KRT7: variants seen among roughly 807,000 people sequenced by gnomAD.
KRT7 encodes keratin 7, also known as keratin, type II cytoskeletal 7.
Under a neutral mutation model 42.8 loss-of-function variants are expected in KRT7, and 50 were observed. The ratio of observed to expected loss-of-function variants is 1.17; its 90% CI spans 0.93 to 1.48. The LOEUF is 1.48. KRT7 is among the 40% of genes most tolerant of loss of function. The pLI, the probability that KRT7 is intolerant of heterozygous loss-of-function variation, is 0.00. For missense variants in KRT7, 588 were observed against 637.6 expected (o/e 0.92, Z 0.84); for synonymous variants, 268 against 266.3 (o/e 1.01, Z -0.06).
rs767352721 is a variant in KRT7, at chr12:52,245,450, G to C, written c.1023G>C (p.Glu341Asp). The part of the protein sequence containing the change: ...KLEAAIAEAE[E>D]RGELALKDAR... The stretch of plus-strand genomic sequence containing the variant: ...AGGCCGCCATTGCCGAGGCTGAGGA[G>C]CGTGGGGAGCTGGCGCTCAAGGATG... The change falls in exon 7 of 9, where the codon GAG (glutamate) becomes GAC (aspartate). Residue 341 changes from glutamate to aspartate, a missense_variant. By Grantham distance (45) the Glu-to-Asp change is conservative. Coordinates refer to ENST00000331817, the MANE Select transcript of KRT7 (RefSeq NM_005556.4). 6.2e-6 allele frequency: 10 copies of C among 1,613,968 alleles called. No individual in the cohort carries two copies. In the African/African-American group the frequency reaches 1.1e-4, roughly 17 times the overall value.
Position 52,248,903 on chromosome 12 carries a change from C to A in KRT7, c.*143C>A. 2 of 742,794 alleles carry A rather than the reference C, an allele frequency of 2.7e-6. No individual in the cohort carries two copies. The highest frequency in any genetic ancestry group is 3.9e-6 in the Non-Finnish European group (2 of 509,852). The allele number at this position is 742,794 out of a possible 1,614,324, so 46.0% of individuals were successfully genotyped here. On this transcript the variant is annotated 3_prime_UTR_variant, in exon 9 of 9. Coordinates refer to ENST00000331817, the MANE Select transcript of KRT7 (RefSeq NM_005556.4). The stretch of plus-strand genomic sequence containing the variant: ...TAGCTTCCAATAAAGCAGCCTCATT[C>A]TGAGGCCTGAGTGATCCACGTGCCT...
intron 6 of KRT7, chr12:52,244,451 C>T (rs539740413): frequency 1.7e-5 from 17 of 985,754 alleles, no homozygotes; most frequent in Non-Finnish European, 2.0e-5. Flanking sequence ...CCAGAGGCAG[C>T]GGGGATGGCG....
At chr12:52,248,549 G>T (rs1002727813) in intron 8 of KRT7, 42 bp from the exon 9 acceptor site, 1 of 1,524,828 alleles carries the variant, frequency 6.6e-7, no homozygotes, top group African/African-American at 1.4e-5. Flanking sequence ...TCCCTGGTAG[G>T]GAGCCTCACG....
downstream of KRT7, among the ~76,000 whole-genome samples, chr12:52,250,980 T>TTTTTTA (rs1942258365): frequency 6.6e-6 from 1 of 152,222 alleles, no homozygotes. Flanking sequence ...ACCTTTTTTA[T>TTTTTTA]TTTTTATTTT....
intron 4 of KRT7, among the ~76,000 whole-genome samples, chr12:52,240,162 T>TAC (rs10604083): frequency 0.022 from 3,352 of 150,518 alleles, 38 homozygotes; most frequent in Non-Finnish European, 0.03. Context: ...CACACATGTG[T>TAC]ACACACACAC....
chr12:52,248,184 G>A lies in KRT7; in HGVS notation c.1213G>A (p.Gly405Arg). The stretch of plus-strand genomic sequence containing the variant: ...TCTGTCCTCTGCCCCCAGGTTGGCT[G>A]GAGATGGAGTGGGAGCCGTGAATAT... The part of the protein sequence containing the change: ...LLEGEESRLA[G>R]DGVGAVNISV... The change falls in exon 8 of 9, where the codon GGA becomes AGA. Residue 405 changes from glycine (G) to arginine (R), a missense_variant. Physicochemically the swap from Gly to Arg is moderately radical, Grantham distance 125. Coordinates refer to ENST00000331817, the MANE Select transcript of KRT7 (RefSeq NM_005556.4). 1 of 1,614,116 alleles carries A rather than the reference G, an allele frequency of 6.2e-7. No individual in the cohort carries two copies. Among genetic ancestry groups the A allele is most frequent in the Non-Finnish European group, 8.5e-7 (1 of 1,180,012 alleles).
intron 7 of KRT7, chr12:52,247,681 C>G (rs1425680100): frequency 1.3e-5 from 2 of 159,736 alleles, no homozygotes; most frequent in African/African-American, 4.8e-5. Flanking sequence ...TTCAATCAGT[C>G]AACGATTCAC....
rs752119954 is a variant in KRT7 at position 52,233,657 on chromosome 12, G to T, written c.324+37G>T. 4.4e-6 allele frequency: 7 copies of T among 1,601,478 alleles called. No individual in the cohort carries two copies. In the South Asian group the frequency reaches 4.4e-5, roughly 10 times the overall value. ...TGGACCTCGCCTCTCCTCGAGCCGCGCTCCAGACCACACCAGCCGCCCTAA... is the reference window on the plus strand; with the variant it reads ...TGGACCTCGCCTCTCCTCGAGCCGCTCTCCAGACCACACCAGCCGCCCTAA... On this transcript the variant is annotated intron_variant, in intron 1 of 8. Coordinates refer to ENST00000331817, the MANE Select transcript of KRT7 (RefSeq NM_005556.4).
downstream of KRT7, chr12:52,253,353 T>C: frequency 6.2e-7 from 1 of 1,611,708 alleles, no homozygotes; most frequent in Non-Finnish European, 8.5e-7. Context: ...GGAAGTAGAG[T>C]TGCTTATGAG....
intron 5 of KRT7, 39 bp from the exon 6 acceptor site, chr12:52,242,973 C>T: frequency 6.3e-7 from 1 of 1,584,030 alleles, no homozygotes; most frequent in Non-Finnish European, 8.6e-7. Context: ...GTACTCACTG[C>T]CCATCTCTCT....
intron 4 of KRT7, among the ~76,000 whole-genome samples, chr12:52,240,921 C>T (rs1433495587): frequency 1.3e-5 from 2 of 149,438 alleles, no homozygotes; most frequent in African/African-American, 5.0e-5. Context: ...TATCACTCCC[C>T]CCTCCCCCCA....
chr12:52,240,938 C>T (rs980492838), intron 4 of KRT7, among the ~76,000 whole-genome samples: 12 of 149,320 alleles, frequency 8.0e-5, no homozygotes, highest in Non-Finnish European at 1.2e-4. Context: ...CCCACGCCCC[C>T]GACAGGCCCC....
At chr12:52,248,489 G>T (rs1942211286) in intron 8 of KRT7, 102 bp from the exon 9 acceptor site, 2 of 1,254,830 alleles carry the variant, frequency 1.6e-6, no homozygotes. Context: ...GCAGGGGTGA[G>T]GGAGAGGGGC....
At chr12:52,237,485 A>G (rs556418460) in intron 2 of KRT7, 24 bp from the exon 3 acceptor site, 2 of 1,585,954 alleles carry the variant, frequency 1.3e-6, no homozygotes, top group Admixed American at 1.7e-5. Flanking sequence ...AGCTGCATCA[A>G]CACCAGGCCC....
chr12:52,247,794 A>G, intron 7 of KRT7: 1 of 249,430 alleles, frequency 4.0e-6, no homozygotes, highest in Non-Finnish European at 7.9e-6. Context: ...TGATACGGTG[A>G]GGAAAGGCAG....
At chr12:52,243,159 TC>T (rs747379080) in intron 6 of KRT7, 22 bp downstream of exon 6, 1 of 1,600,460 alleles carries the variant, frequency 6.2e-7, no homozygotes, top group South Asian at 1.1e-5. Context: ...CCTCCTGGCT[TC>T]CCCTGCTACT....
intron 6 of KRT7, 124 bp from the exon 7 acceptor site, chr12:52,245,288 C>G (rs924894831): frequency 8.1e-6 from 7 of 863,766 alleles, no homozygotes; most frequent in Admixed American, 4.8e-5. Context: ...TTCTCTGGTA[C>G]TTGGGGGAGT....
downstream of KRT7, among the ~76,000 whole-genome samples, chr12:52,255,597 T>G (rs1942323884): frequency 6.6e-6 from 1 of 152,134 alleles, no homozygotes; most frequent in Admixed American, 6.5e-5. Flanking sequence ...TACTCAAAGC[T>G]CTTTCTATTT....
chr12:52,253,720 C>G (rs752689129), downstream of KRT7: 1 of 1,296,004 alleles, frequency 7.7e-7, no homozygotes, highest in Non-Finnish European at 1.1e-6. Context: ...TCCATCTTGA[C>G]GACCACTGAG....
Sources: allele counts gnomAD v4.1 joint callset (sites outside exome capture counted in the v4.1 genomes callset), GRCh38; gene constraint gnomAD v4.1.1; transcripts MANE v1.5; gene names NCBI Gene and HGNC (gene_info 2026-07-23, HGNC 2026-07-21).